The following CASR variants were observed in gnomAD, a reference collection of about 807,000 sequenced individuals.
CASR encodes calcium sensing receptor.
A neutral mutation model predicts 69.1 loss-of-function variants in CASR; 23 were observed. The observed-to-expected ratio is 0.33, with a 90% CI of 0.24 to 0.47. The LOEUF is 0.47. CASR is among the 20% of genes least tolerant of loss of function. CASR has a pLI of 1.00. For synonymous variants in CASR, 541 were observed against 544.7 expected, an observed-to-expected ratio of 0.99 and a Z score of 0.10; for missense variants, 924 against 1,356.1, an observed-to-expected ratio of 0.68 and a Z score of 5.00.
rs1307799230 is a variant in CASR, at chr3:122,291,499, A to G, written c.*6308A>G. Reference sequence around the variant, plus strand: ...TGGCCAGTGATGATGAGCATTATAAATGAAGATTGCTTGGTAGTGGACTAA... The same window carrying G: ...TGGCCAGTGATGATGAGCATTATAAGTGAAGATTGCTTGGTAGTGGACTAA... On this transcript the variant is annotated 3_prime_UTR_variant, in exon 7 of 7. Transcript: ENST00000639785. The G allele has an allele frequency of 6.6e-6, 1 of 152,216 alleles. No homozygotes were observed. Among genetic ancestry groups the G allele is most frequent in the Non-Finnish European group, 1.5e-5 (1 of 68,034 alleles). 9.4% of individuals were successfully genotyped at this position (152,216 alleles called of 1,614,324 possible).
intron 5 of CASR, among the ~76,000 whole-genome samples, chr3:122,279,289 A>C (rs1020904634): frequency 1.3e-5 from 2 of 152,178 alleles, no homozygotes; most frequent in Non-Finnish European, 2.9e-5. Flanking sequence ...TCTTGTTGGG[A>C]GTTATTATTT....
intron 1 of CASR, among the ~76,000 whole-genome samples, chr3:122,252,474 AAGGG>A (rs1218651526): frequency 7.3e-5 from 8 of 109,826 alleles, no homozygotes; most frequent in African/African-American, 1.8e-4. Flanking sequence ...AAAAGAAAAG[AAGGG>A]AGGGAGGGAA....
intron 1 of CASR, among the ~76,000 whole-genome samples, chr3:122,197,708 A>G (rs1314846073): frequency 6.6e-6 from 1 of 152,000 alleles, no homozygotes; most frequent in Non-Finnish European, 1.5e-5. Context: ...GATCTCCTAA[A>G]CTCATCACAT....
At chr3:122,201,839 C>G (rs60388563) in intron 1 of CASR, among the ~76,000 whole-genome samples, 27,911 of 151,284 alleles carry the variant, frequency 0.18, 3,597 homozygotes, top group African/African-American at 0.37. Context: ...GGCAGAGACG[C>G]TCCTCACTTC....
At chr3:122,235,645 A>C (rs1377493246) in intron 1 of CASR, among the ~76,000 whole-genome samples, 1 of 152,144 alleles carries the variant, frequency 6.6e-6, no homozygotes, top group East Asian at 1.9e-4. Flanking sequence ...AATTTTTTAA[A>C]AAATAGCCTG....
At chr3:122,187,940 GTAATT>G (rs2073803099) in intron 1 of CASR, among the ~76,000 whole-genome samples, 1 of 152,168 alleles carries the variant, frequency 6.6e-6, no homozygotes, top group Admixed American at 6.5e-5. Flanking sequence ...CCTCAGTTAA[GTAATT>G]TAGCCACAGT....
intron 1 of CASR, among the ~76,000 whole-genome samples, chr3:122,251,955 A>T (rs1337558910): frequency 2.0e-5 from 3 of 152,208 alleles, no homozygotes; most frequent in African/African-American, 7.2e-5. Flanking sequence ...GCAAAACTGG[A>T]GATGAGAATG....
intron 1 of CASR, among the ~76,000 whole-genome samples, chr3:122,217,506 G>A (rs186536567): frequency 5.4e-4 from 83 of 152,296 alleles, no homozygotes; most frequent in Admixed American, 1.3e-3. Flanking sequence ...AGTAATTGAC[G>A]TGTGAGTTGA....
intron 2 of CASR, among the ~76,000 whole-genome samples, chr3:122,254,732 C>A (rs940746113): frequency 2.0e-5 from 3 of 152,080 alleles, no homozygotes; most frequent in African/African-American, 7.2e-5. Context: ...TAGTAAAATC[C>A]CCCATTGACC....
intron 1 of CASR, among the ~76,000 whole-genome samples, chr3:122,202,471 G>A (rs886981696): frequency 6.8e-6 from 1 of 147,988 alleles, no homozygotes; most frequent in Non-Finnish European, 1.5e-5. Flanking sequence ...AGAGGGAGAG[G>A]GAGACCGTGG....
At chr3:122,269,132 A>T (rs903066766) in intron 4 of CASR, among the ~76,000 whole-genome samples, 3 of 152,226 alleles carry the variant, frequency 2.0e-5, no homozygotes, top group Non-Finnish European at 2.9e-5. Context: ...AAGCAACTTT[A>T]AAAAAATTAT....
intron 1 of CASR, among the ~76,000 whole-genome samples, chr3:122,189,298 G>T (rs1347780397): frequency 6.6e-6 from 1 of 152,192 alleles, no homozygotes; most frequent in African/African-American, 2.4e-5. Flanking sequence ...TTCACAGGGC[G>T]GTTGTGAAGT....
At chr3:122,239,602 C>A (rs1185352465) in intron 1 of CASR, among the ~76,000 whole-genome samples, 1 of 152,200 alleles carries the variant, frequency 6.6e-6, no homozygotes, top group Non-Finnish European at 1.5e-5. Flanking sequence ...TTACAGCAGG[C>A]CTGGGGCAAG....
chr3:122,225,525 C>A, intron 1 of CASR, among the ~76,000 whole-genome samples: 1 of 148,606 alleles, frequency 6.7e-6, no homozygotes. Flanking sequence ...CCATCTCACA[C>A]CAATCAGAAT....
intron 4 of CASR, 136 bp downstream of exon 4, chr3:122,262,548 G>A (rs562124828): frequency 3.9e-6 from 3 of 763,910 alleles, no homozygotes; most frequent in East Asian, 2.6e-5. Flanking sequence ...TGGATTCAAA[G>A]TACCTTTTTT....
rs2107651596 is a variant in CASR at position 122,284,913 on chromosome 3, A to G, written c.2959A>G (p.Met987Val). ...CTTTGATGAGCCTCAGAAGAACGCCATGGCCCACAGGAATTCTACGCACCA... is the reference window on the plus strand; with the variant it reads ...CTTTGATGAGCCTCAGAAGAACGCCGTGGCCCACAGGAATTCTACGCACCA... Reference protein sequence around the residue: ...LSFDEPQKNAMAHRNSTHQNS... With the variant: ...LSFDEPQKNAVAHRNSTHQNS... Residue 987 changes from methionine (M) to valine (V), a missense_variant, in exon 7 of 7, where the codon ATG (methionine) becomes GTG (valine). Coordinates refer to ENST00000639785, the MANE Select transcript of CASR (RefSeq NM_000388.4). The G allele has an allele frequency of 1.2e-6, 2 of 1,614,184 alleles. No homozygotes were observed. The highest frequency in any genetic ancestry group is 1.7e-6 in the Non-Finnish European group (2 of 1,180,010).
At chr3:122,265,213 T>C (rs911256725) in intron 4 of CASR, among the ~76,000 whole-genome samples, 1 of 152,230 alleles carries the variant, frequency 6.6e-6, no homozygotes, top group African/African-American at 2.4e-5. Context: ...AGCTTAAGCT[T>C]CCACAGCTCT....
At chr3:122,203,890 G>A (rs890606078) in intron 1 of CASR, among the ~76,000 whole-genome samples, 5 of 152,106 alleles carry the variant, frequency 3.3e-5, no homozygotes, top group African/African-American at 1.2e-4. Context: ...TTTCTTTAAT[G>A]TCTTTCAGCA....
chr3:122,209,820 A>G (rs938976877), intron 1 of CASR, among the ~76,000 whole-genome samples: 1 of 152,204 alleles, frequency 6.6e-6, no homozygotes, highest in African/African-American at 2.4e-5. Context: ...TCCCTGATGA[A>G]CATCAATACA....
Sources: allele counts gnomAD v4.1 joint callset (sites outside exome capture counted in the v4.1 genomes callset), GRCh38; gene constraint gnomAD v4.1.1; transcripts MANE v1.5; gene names NCBI Gene and HGNC (gene_info 2026-07-23, HGNC 2026-07-21).